The following IMMP2L variants were observed in gnomAD, a reference collection of about 807,000 sequenced individuals.
The protein encoded by IMMP2L is inner mitochondrial membrane peptidase subunit 2, also known as mitochondrial inner membrane protease subunit 2.
A neutral mutation model predicts 19.3 loss-of-function variants in IMMP2L; 18 were observed. The ratio of observed to expected loss-of-function variants is 0.93; its 90% CI spans 0.64 to 1.38. The LOEUF (loss-of-function observed/expected upper bound fraction) is 1.38. Ranked by LOEUF, IMMP2L falls within the 40% of genes most tolerant of loss-of-function variation. IMMP2L has a pLI of 0.00. For synonymous variants in IMMP2L, 76 were observed against 73.0 expected, an observed-to-expected ratio of 1.04 and a Z score of -0.21; for missense variants, 233 against 218.2, an observed-to-expected ratio of 1.07 and a Z score of -0.43.
chr7:111,413,302 C>T (rs1029390701), intron 3 of IMMP2L, among the ~76,000 whole-genome samples: 2 of 152,016 alleles, frequency 1.3e-5, no homozygotes, highest in Non-Finnish European at 1.5e-5. Context: ...GAATTAAACC[C>T]TATACAAACT....
intron 5 of IMMP2L, among the ~76,000 whole-genome samples, chr7:110,797,751 T>G (rs548747809): frequency 6.6e-6 from 1 of 151,918 alleles, no homozygotes; most frequent in African/African-American, 2.4e-5. Context: ...TAGAGGAGAG[T>G]TGAAAAGTTA....
chr7:110,737,052 G>T (rs1469972906), intron 5 of IMMP2L, among the ~76,000 whole-genome samples: 2 of 152,184 alleles, frequency 1.3e-5, no homozygotes, highest in African/African-American at 4.8e-5. Flanking sequence ...TAAGATGGCA[G>T]ATAGGAGGCA....
intron 4 of IMMP2L, among the ~76,000 whole-genome samples, chr7:110,914,203 T>C (rs1460483451): frequency 6.6e-6 from 1 of 152,170 alleles, no homozygotes; most frequent in Non-Finnish European, 1.5e-5. Context: ...CTGTTATAAT[T>C]CTTTGAAGAA....
chr7:110,770,945 C>T (rs149326309), intron 5 of IMMP2L, among the ~76,000 whole-genome samples: 109 of 152,224 alleles, frequency 7.2e-4, no homozygotes, highest in African/African-American at 2.6e-3. Flanking sequence ...GTGGGATTTA[C>T]ATAGCACTTG....
intron 3 of IMMP2L, among the ~76,000 whole-genome samples, chr7:111,305,081 T>C (rs1822716970): frequency 6.6e-6 from 1 of 152,118 alleles, no homozygotes; most frequent in Non-Finnish European, 1.5e-5. Context: ...TGTCTTGTTT[T>C]TTTGATGAGG....
chr7:111,022,382 T>C (rs1034006760), intron 3 of IMMP2L, among the ~76,000 whole-genome samples: 1 of 152,172 alleles, frequency 6.6e-6, no homozygotes, highest in Non-Finnish European at 1.5e-5. Flanking sequence ...CCCAGCTTAA[T>C]GTTTGCTTTA....
chr7:111,355,916 GA>G (rs1224086922), intron 3 of IMMP2L, among the ~76,000 whole-genome samples: 1 of 151,794 alleles, frequency 6.6e-6, no homozygotes, highest in Non-Finnish European at 1.5e-5. Flanking sequence ...AATTCTGTTA[GA>G]AAACTTAATG....
intron 3 of IMMP2L, among the ~76,000 whole-genome samples, chr7:111,283,866 G>A (rs1475646070): frequency 6.7e-6 from 1 of 149,664 alleles, no homozygotes; most frequent in Admixed American, 6.7e-5. Flanking sequence ...AGCTACTTGG[G>A]AGGCTGAGGC....
chr7:110,739,332 C>A (rs1796843314), intron 5 of IMMP2L, among the ~76,000 whole-genome samples: 1 of 152,002 alleles, frequency 6.6e-6, no homozygotes, highest in Non-Finnish European at 1.5e-5. Flanking sequence ...ACCTAACACA[C>A]AAGGATTCAC....
chr7:111,158,186 T>C (rs1291342576), intron 3 of IMMP2L, among the ~76,000 whole-genome samples: 2 of 151,962 alleles, frequency 1.3e-5, no homozygotes, highest in South Asian at 2.1e-4. Flanking sequence ...CTCAGAAAAA[T>C]GTAAAATAAG....
intron 3 of IMMP2L, among the ~76,000 whole-genome samples, chr7:111,282,518 T>G (rs1227287209): frequency 2.0e-5 from 3 of 152,138 alleles, no homozygotes; most frequent in Non-Finnish European, 2.9e-5. Flanking sequence ...AAATAAAAAC[T>G]GACAGAAATG....
At chr7:111,110,619 T>A (rs1429754049) in intron 3 of IMMP2L, among the ~76,000 whole-genome samples, 1 of 152,158 alleles carries the variant, frequency 6.6e-6, no homozygotes, top group Non-Finnish European at 1.5e-5. Context: ...AACATAAGTA[T>A]AAATATCAAA....
At chr7:110,845,731 T>TG (rs1563019947) in intron 5 of IMMP2L, among the ~76,000 whole-genome samples, 1 of 152,144 alleles carries the variant, frequency 6.6e-6, no homozygotes, top group Non-Finnish European at 1.5e-5. Flanking sequence ...CACATTGCTA[T>TG]GGTCTAAGTG....
chr7:111,113,399 A>G (rs1183893553), intron 3 of IMMP2L, among the ~76,000 whole-genome samples: 2 of 151,512 alleles, frequency 1.3e-5, no homozygotes, highest in Non-Finnish European at 2.9e-5. Context: ...TTTTTTTTGT[A>G]TACATGTCTA....
At chr7:111,382,507 T>C (rs1563124584) in intron 3 of IMMP2L, among the ~76,000 whole-genome samples, 1 of 152,000 alleles carries the variant, frequency 6.6e-6, no homozygotes, top group Non-Finnish European at 1.5e-5. Context: ...CAACTGTTTC[T>C]AAAATCTTAA....
intron 1 of IMMP2L, among the ~76,000 whole-genome samples, chr7:111,539,271 A>AAAGAAAGAAAGG (rs1238254080): frequency 2.1e-5 from 3 of 144,966 alleles, no homozygotes; most frequent in African/African-American, 5.2e-5. Flanking sequence ...AGAAAGAAAG[A>AAAGAAAGAAAGG]GAACATACGT....
intron 3 of IMMP2L, among the ~76,000 whole-genome samples, chr7:111,211,933 C>T (rs566056505): frequency 4.7e-4 from 71 of 152,142 alleles, no homozygotes; most frequent in African/African-American, 1.7e-3. Flanking sequence ...GGAGGCGGAG[C>T]TTGCAGTGAG....
At chr7:111,236,055 C>T (rs945593509) in intron 3 of IMMP2L, among the ~76,000 whole-genome samples, 1 of 151,992 alleles carries the variant, frequency 6.6e-6, no homozygotes, top group Non-Finnish European at 1.5e-5. Context: ...CATTTCTGTG[C>T]TTAATGTCTT....
intron 5 of IMMP2L, among the ~76,000 whole-genome samples, chr7:110,856,943 C>G (rs2131564528): frequency 6.6e-6 from 1 of 152,166 alleles, no homozygotes; most frequent in African/African-American, 2.4e-5. Flanking sequence ...ACCACTGTCT[C>G]TGTCAGACAT....
Sources: allele counts gnomAD v4.1 joint callset (sites outside exome capture counted in the v4.1 genomes callset), GRCh38; gene constraint gnomAD v4.1.1; transcripts MANE v1.5; gene names NCBI Gene and HGNC (gene_info 2026-07-23, HGNC 2026-07-21).